The following OR2L13 variants were observed in gnomAD, a reference collection of about 807,000 sequenced individuals.
The protein encoded by OR2L13 is olfactory receptor 2L13.
OR2L13 carries 14 observed loss-of-function variants against 15.3 expected under a neutral mutation model. The observed-to-expected ratio is 0.91, with a 90% CI of 0.60 to 1.43. The LOEUF is 1.43. Among genes scored for constraint, OR2L13 ranks in the 40% most tolerant of loss-of-function variants. The pLI is 0.00. For missense variants in OR2L13, 367 were observed against 387.9 expected (o/e 0.95, Z 0.45); for synonymous variants, 152 against 142.9 (o/e 1.06, Z -0.45).
the OR2L13 span, among the ~76,000 whole-genome samples, chr1:247,949,954 A>G: frequency 1.3e-5 from 2 of 152,298 alleles, no homozygotes; most frequent in South Asian, 4.1e-4. Context: ...ACAAATATAT[A>G]TATAATTCTA....
the OR2L13 span, among the ~76,000 whole-genome samples, chr1:248,070,166 A>C: frequency 6.6e-6 from 1 of 152,190 alleles, no homozygotes; most frequent in South Asian, 2.1e-4. Context: ...AATCAACAGA[A>C]TATACATTTT....
chr1:248,071,966 T>C, the OR2L13 span, among the ~76,000 whole-genome samples: 6 of 151,434 alleles, frequency 4.0e-5, no homozygotes, highest in African/African-American at 1.5e-4. Flanking sequence ...CACTGCTCAA[T>C]GAAATAAAAG....
chr1:248,044,599 C>G, the OR2L13 span, among the ~76,000 whole-genome samples: 125 of 86,156 alleles, frequency 1.5e-3, 14 homozygotes, highest in South Asian at 0.03. Context: ...GTCAGGAGAT[C>G]GAGACCATCC....
At chr1:248,099,303 T>G (rs1664796277) in intron 2 of OR2L13, 55 bp from the exon 3 acceptor site, 2 of 1,011,812 alleles carry the variant, frequency 2.0e-6, no homozygotes, top group Non-Finnish European at 3.0e-6. Flanking sequence ...GTTTTTCTAT[T>G]GTGTTTTATT....
At chr1:248,099,674 GCTT>G (rs763879705) in exon 3 of OR2L13, 50 of 1,614,074 alleles carry the variant, frequency 3.1e-5, no homozygotes, top group Middle Eastern at 1.6e-4. Flanking sequence ...GGTGTGCAAA[GCTT>G]CTTCTTCCTG....
chr1:248,028,435 G>T, the OR2L13 span, among the ~76,000 whole-genome samples: 1 of 152,138 alleles, frequency 6.6e-6, no homozygotes, highest in Admixed American at 6.5e-5. Context: ...CCTGAATTTT[G>T]TCTCTTTGGG....
the OR2L13 span, among the ~76,000 whole-genome samples, chr1:248,026,123 C>A: frequency 6.6e-6 from 1 of 151,988 alleles, no homozygotes; most frequent in Non-Finnish European, 1.5e-5. Flanking sequence ...AATCATTTGG[C>A]AAATATAAGT....
chr1:248,071,729 C>T, the OR2L13 span, among the ~76,000 whole-genome samples: 35 of 150,156 alleles, frequency 2.3e-4, no homozygotes, highest in Non-Finnish European at 4.9e-4. Context: ...TAGAAAACCC[C>T]ATTGTCTCAG....
the OR2L13 span, among the ~76,000 whole-genome samples, chr1:247,937,688 C>T: frequency 6.6e-6 from 1 of 152,282 alleles, no homozygotes; most frequent in Non-Finnish European, 1.5e-5. Context: ...CTGGGGCCTC[C>T]TCTCCCAGGC....
chr1:247,950,598 A>T, the OR2L13 span, among the ~76,000 whole-genome samples: 1 of 152,206 alleles, frequency 6.6e-6, no homozygotes, highest in Non-Finnish European at 1.5e-5. Context: ...TCAGTTTCCC[A>T]ATAAATGTTC....
chr1:247,939,578 T>C, the OR2L13 span: 1 of 152,176 alleles, frequency 6.6e-6, no homozygotes, highest in Non-Finnish European at 1.5e-5. Flanking sequence ...CTGGTGGCAA[T>C]GAAAAATATG....
chr1:248,003,677 A>T, the OR2L13 span: 1 of 1,612,610 alleles, frequency 6.2e-7, no homozygotes, highest in Non-Finnish European at 8.5e-7. Flanking sequence ...TGTCCCAGCA[A>T]TGGTGACTCT....
At chr1:247,994,626 C>T in the OR2L13 span, among the ~76,000 whole-genome samples, 3 of 151,960 alleles carry the variant, frequency 2.0e-5, no homozygotes, top group Admixed American at 6.6e-5. Flanking sequence ...AGAGAAAGAG[C>T]GTAGGTCAAA....
At chr1:248,008,349 C>A in the OR2L13 span, among the ~76,000 whole-genome samples, 3 of 152,066 alleles carry the variant, frequency 2.0e-5, no homozygotes, top group African/African-American at 4.8e-5. Context: ...ATAAAAATAT[C>A]TTGCATTGAC....
the OR2L13 span, among the ~76,000 whole-genome samples, chr1:248,065,455 G>A: frequency 2.0e-5 from 3 of 149,658 alleles, no homozygotes; most frequent in Admixed American, 6.7e-5. Flanking sequence ...TTATTATACT[G>A]TAAGTTTTAG....
At chr1:248,088,656 TA>T in the OR2L13 span, among the ~76,000 whole-genome samples, 3 of 152,182 alleles carry the variant, frequency 2.0e-5, no homozygotes. Context: ...AAAAGTTATC[TA>T]AAACAAGATA....
At chr1:248,030,205 C>G in the OR2L13 span, 1 of 152,066 alleles carries the variant, frequency 6.6e-6, no homozygotes, top group Non-Finnish European at 1.5e-5. Context: ...AGCAAAGGCA[C>G]TGAGTGTTTG....
chr1:247,998,899 G>A, the OR2L13 span, among the ~76,000 whole-genome samples: 7 of 143,928 alleles, frequency 4.9e-5, no homozygotes, highest in African/African-American at 2.1e-4. Flanking sequence ...CAGAGTTTTT[G>A]TGAGAAGCAA....
chr1:248,047,193 A>C, the OR2L13 span, among the ~76,000 whole-genome samples: 1 of 152,158 alleles, frequency 6.6e-6, no homozygotes, highest in South Asian at 2.1e-4. Flanking sequence ...CCACATTCAT[A>C]ATAATGATTG....
Sources: allele counts gnomAD v4.1 joint callset (sites outside exome capture counted in the v4.1 genomes callset), GRCh38; gene constraint gnomAD v4.1.1; transcripts MANE v1.5; gene names NCBI Gene and HGNC (gene_info 2026-07-23, HGNC 2026-07-21).